MYH1: variants seen among roughly 807,000 people sequenced by gnomAD.
MYH1 encodes myosin heavy chain 1, also known as myosin-1.
Under a neutral mutation model 225.6 loss-of-function variants are expected in MYH1, and 214 were observed. That is an observed-to-expected ratio of 0.95 (90% CI 0.85 to 1.06). The LOEUF (loss-of-function observed/expected upper bound fraction) is 1.06, where lower values mean the gene tolerates loss of function less well. Among genes scored for constraint, MYH1 ranks in the 50% least tolerant of loss-of-function variants. The pLI is 0.00. For synonymous variants in MYH1, 774 were observed against 842.3 expected (o/e 0.92, Z 1.40); for missense variants, 2,098 against 2,344.2 (o/e 0.89, Z 2.17).
rs1321977441 is a variant in MYH1 at position 10,492,373 on chromosome 17, C to T, written c.*43G>A. ...CAAAATGGAGTGACAAAGATTTTCA[C>T]ATTTTGTGCATTTCTTTGGTCACCT... On this transcript the variant is annotated 3_prime_UTR_variant, in exon 40 of 40. Transcript: ENST00000226207. 2.5e-6 allele frequency: 4 copies of T among 1,600,254 alleles called. No homozygotes were observed. Among genetic ancestry groups the T allele is most frequent in the African/African-American group, 2.7e-5 (2 of 74,210 alleles).
intron 17 of MYH1, among the ~76,000 whole-genome samples, chr17:10,507,375 A>G (rs1286551889): frequency 2.0e-5 from 3 of 152,088 alleles, no homozygotes; most frequent in South Asian, 2.1e-4. Context: ...AATTTTTTTA[A>G]AAGTGCTATT....
intron 2 of MYH1, 142 bp from the exon 3 acceptor site, chr17:10,516,824 A>G (rs1237980022): frequency 4.1e-5 from 28 of 683,782 alleles, no homozygotes; most frequent in Non-Finnish European, 1.2e-5. Context: ...TTGGTTGAGG[A>G]TAAAATGTCA....
At chr17:10,500,895 TTAGA>T (rs2073047027) in intron 27 of MYH1, 143 bp from the exon 28 acceptor site, 2 of 1,383,180 alleles carry the variant, frequency 1.4e-6, no homozygotes, top group African/African-American at 2.9e-5. Context: ...AGCAAAGGTC[TTAGA>T]TAGTGAATGG....
intron 15 of MYH1, among the ~76,000 whole-genome samples, chr17:10,509,144 G>A (rs1005758450): frequency 1.3e-5 from 2 of 152,118 alleles, no homozygotes; most frequent in African/African-American, 4.8e-5. Context: ...TTAACGTACA[G>A]TAGTAGAAAT....
chr17:10,509,098 G>A (rs2073146803), intron 15 of MYH1, among the ~76,000 whole-genome samples: 2 of 152,128 alleles, frequency 1.3e-5, no homozygotes, highest in Admixed American at 6.5e-5. Context: ...TATTCTTGGT[G>A]GGTCTTTCGC....
chr17:10,512,835 G>A (rs2073186982), intron 10 of MYH1, 32 bp downstream of exon 10: 1 of 1,598,666 alleles, frequency 6.3e-7, no homozygotes. Flanking sequence ...ATAGTACAGT[G>A]ACAATCTTCT....
At chr17:10,513,749 C>T in intron 8 of MYH1, 60 bp from the exon 9 acceptor site, 1 of 1,612,686 alleles carries the variant, frequency 6.2e-7, no homozygotes, top group Non-Finnish European at 8.5e-7. Flanking sequence ...GGGGATGCCA[C>T]TGAAATAATT....
In MYH1 at chr17:10,508,679, G is replaced by T. The variant is rs201471165; in HGVS notation, c.1588-7C>A. 1.7e-4 allele frequency: 268 copies of T among 1,612,992 alleles called. 2 individuals carry two copies. Among genetic ancestry groups the T allele is most frequent in the Middle Eastern group, 9.9e-4 (6 of 6,046 alleles). ...TGGAGAAGATGCCCATAGGCTGGAA[G>T]AATGAAAAGAAATAAATGCCACTTG... On this transcript the variant is annotated splice_polypyrimidine_tract_variant and splice_region_variant and intron_variant, in intron 15 of 39. Transcript: ENST00000226207.
Position 10,504,823 on chromosome 17 carries a change from A to C in MYH1, c.2678T>G (p.Leu893Arg), listed in dbSNP as rs567553961. ...CGGGATACTCACAGCTTGAACCTGG[A>C]GTTGCAAGTCATTTTTTTCTTGCAT... is the stretch of plus-strand genomic sequence containing the variant. ...TLMQEKNDLQ[L>R]QVQAEADSLA... Residue 893 changes from leucine (L) to arginine (R), a missense_variant, in exon 22 of 40, where the codon CTC becomes CGC. Transcript: ENST00000226207. The C allele has an allele frequency of 3.7e-6, 6 of 1,613,888 alleles. No individual in the cohort carries two copies. The Admixed American group carries it at 6.7e-5, about 18-fold the overall frequency.
At position 10,492,361 on chromosome 17, in the gene MYH1, C is replaced by T. The variant is rs1346565095; in HGVS notation, c.*55G>A. On this transcript the variant is annotated 3_prime_UTR_variant, in exon 40 of 40. Coordinates refer to ENST00000226207, the MANE Select transcript of MYH1 (RefSeq NM_005963.4). ...AAGTCATAAGTACAAAATGGAGTGA[C>T]AAAGATTTTCACATTTTGTGCATTT... The T allele has an allele frequency of 1.3e-6, 2 of 1,591,352 alleles. No homozygotes were observed. The highest frequency in any genetic ancestry group is 1.7e-6 in the Non-Finnish European group (2 of 1,170,172).
At chr17:10,502,030 G>C (rs2073063526) in intron 24 of MYH1, 119 bp from the exon 25 acceptor site, 3 of 1,030,820 alleles carry the variant, frequency 2.9e-6, no homozygotes, top group African/African-American at 3.2e-5. Flanking sequence ...AGGCAGATTT[G>C]TCCCATTGAT....
At chr17:10,514,338 T>A (rs904265849) in intron 6 of MYH1, among the ~76,000 whole-genome samples, 1 of 152,238 alleles carries the variant, frequency 6.6e-6, no homozygotes, top group Admixed American at 6.5e-5. Context: ...GTGTTTATAA[T>A]GTGTCAGCTT....
In MYH1 at chr17:10,512,420, C is replaced by T. The variant is rs774072533; in HGVS notation, c.1135G>A (p.Asp379Asn). The T allele has an allele frequency of 6.2e-7, 1 of 1,614,158 alleles. No individual in the cohort carries two copies. The highest frequency in any genetic ancestry group is 1.7e-5 in the Admixed American group (1 of 60,030). The change falls in exon 12 of 40, where the codon GAT becomes AAT. Residue 379 changes from aspartate to asparagine, a missense_variant. Physicochemically the swap from Asp to Asn is conservative, Grantham distance 23. Transcript: ENST00000226207. Reference protein sequence around the residue: ...QKQREEQAEPDGTEVADKAAY... With the variant: ...QKQREEQAEPNGTEVADKAAY... ...ATTCATTTGGTACCTTCAGTGCCAT[C>T]TGGCTCAGCTTGCTCCTCACGCTGC... is the stretch of plus-strand genomic sequence containing the variant.
At chr17:10,517,960 G>A (rs1375990127) in intron 2 of MYH1, among the ~76,000 whole-genome samples, 2 of 152,088 alleles carry the variant, frequency 1.3e-5, no homozygotes, top group African/African-American at 2.4e-5. Context: ...TCATTTAAAA[G>A]ATAAACTACA....
rs147195989 is a variant in MYH1 at position 10,494,355 on chromosome 17, G to A, written c.5666C>T (p.Ala1889Val). The change falls in exon 39 of 40, where the codon GCG becomes GTG. Residue 1889 changes from alanine (A) to valine (V), a missense_variant and splice_region_variant. Coordinates refer to ENST00000226207, the MANE Select transcript of MYH1 (RefSeq NM_005963.4). Reference protein sequence around the residue: ...VKSYKRQAEEAEEQSNVNLSK... With the variant: ...VKSYKRQAEEVEEQSNVNLSK... ...CACCCCAAGGGGTTGTGAACTCACC[G>A]CTTCTTCAGCTTGTCTCTTGTAGGA... 1.9e-4 allele frequency: 311 copies of A among 1,613,848 alleles called. 1 individual carries two copies. The highest frequency in any genetic ancestry group is 1.2e-3 in the Middle Eastern group (7 of 6,062).
Position 10,503,078 on chromosome 17 carries a change from G to A in MYH1, c.2862C>T (p.Leu954=), listed in dbSNP as rs780956050. The change falls in exon 23 of 40, where the codon CTC becomes CTT. Residue 954 remains leucine, a synonymous_variant. Coordinates refer to ENST00000226207, the MANE Select transcript of MYH1 (RefSeq NM_005963.4). ...KRKLEDECSE[L]KKDIDDLELT... ...GCTCAAGGTCATCAATGTCTTTCTT[G>A]AGTTCTGAACATTCATCCTCCAGTT... The A allele has an allele frequency of 6.2e-7, 1 of 1,612,934 alleles. No homozygotes were observed. The highest frequency in any genetic ancestry group is 8.5e-7 in the Non-Finnish European group (1 of 1,179,060).
At chr17:10,510,801 T>C (rs2073163309) in intron 14 of MYH1, among the ~76,000 whole-genome samples, 1 of 152,100 alleles carries the variant, frequency 6.6e-6, no homozygotes, top group African/African-American at 2.4e-5. Context: ...GAGGACAAAA[T>C]AGAATTTCCT....
At chr17:10,500,838 G>T (rs2073046494) in intron 27 of MYH1, 86 bp from the exon 28 acceptor site, 3 of 1,556,186 alleles carry the variant, frequency 1.9e-6, no homozygotes, top group Non-Finnish European at 2.6e-6. Flanking sequence ...CATATGAGCT[G>T]CAGTACTCAT....
At chr17:10,509,218 T>TAGCGTGAACCCGGGAGGCGGAGCTTGC in intron 15 of MYH1, among the ~76,000 whole-genome samples, 1 of 152,340 alleles carries the variant, frequency 6.6e-6, no homozygotes, top group South Asian at 2.1e-4. Flanking sequence ...AAAAATATTC[T>TAGCGTGAACCCGGGAGGCGGAGCTTGC]AGTCAGTGCA....
Sources: gnomAD v4.1 joint callset for allele counts (sites outside exome capture counted in the v4.1 genomes callset) on GRCh38, gnomAD v4.1.1 for gene constraint, MANE v1.5 for transcripts, NCBI Gene and HGNC (gene_info 2026-07-23, HGNC 2026-07-21) for gene names.